ITGA1: variants seen among roughly 807,000 people sequenced by gnomAD.
The protein encoded by ITGA1 is integrin subunit alpha 1.
ITGA1 carries 85 observed loss-of-function variants against 145.9 expected under a neutral mutation model. The ratio of observed to expected loss-of-function variants is 0.58; its 90% CI spans 0.49 to 0.70. The LOEUF is 0.70. Ranked by LOEUF, ITGA1 falls within the 30% of genes least tolerant of loss-of-function variation. ITGA1 has a pLI of 0.00. For synonymous variants in ITGA1, 520 were observed against 495.3 expected (o/e 1.05, Z -0.66); for missense variants, 1,351 against 1,418.7 (o/e 0.95, Z 0.77).
At chr5:52,880,994 C>T (rs1749947688) in intron 6 of ITGA1, among the ~76,000 whole-genome samples, 1 of 152,118 alleles carries the variant, frequency 6.6e-6, no homozygotes, top group South Asian at 2.1e-4. Flanking sequence ...AATCTGGGGG[C>T]ACTTTCCCTC....
intron 14 of ITGA1, among the ~76,000 whole-genome samples, chr5:52,911,509 T>C (rs1204816281): frequency 1.6e-5 from 2 of 125,974 alleles, no homozygotes; most frequent in South Asian, 2.4e-4. Context: ...GTAGATACAC[T>C]ATATATAGTA....
At chr5:52,797,457 A>G (rs1469908220) in intron 1 of ITGA1, among the ~76,000 whole-genome samples, 1 of 151,914 alleles carries the variant, frequency 6.6e-6, no homozygotes, top group Non-Finnish European at 1.5e-5. Flanking sequence ...CCTAGGCTGG[A>G]CAGAAGGAAA....
chr5:52,908,340 A>G (rs1301812881), intron 12 of ITGA1, among the ~76,000 whole-genome samples: 1 of 152,206 alleles, frequency 6.6e-6, no homozygotes, highest in Non-Finnish European at 1.5e-5. Context: ...TCTTTAAATG[A>G]GAAAACATAT....
rs141849597 is a variant in ITGA1, at chr5:52,955,002, T to C, written c.*2551T>C. ...ATATTTAAGACTATTTATAAACTTA[T>C]TGGCCAAATTGCCAAAAAGTTTCTT... On this transcript the variant is annotated 3_prime_UTR_variant, in exon 29 of 29. Coordinates refer to ENST00000282588, the MANE Select transcript of ITGA1 (RefSeq NM_181501.2). The C allele has an allele frequency of 8.1e-4, 123 of 152,338 alleles. No homozygotes were observed. Among genetic ancestry groups the C allele is most frequent in the African/African-American group, 2.8e-3 (116 of 41,582 alleles). 9.4% of individuals were successfully genotyped at this position (152,338 alleles called of 1,614,324 possible).
In ITGA1 at chr5:52,911,635, T is replaced by TAC. The variant is rs537092186; in HGVS notation, c.1857+1217_1857+1218insCA. On this transcript the variant is annotated intron_variant, in intron 14 of 28. Coordinates refer to ENST00000282588, the MANE Select transcript of ITGA1 (RefSeq NM_181501.2). ...TATAGTGTATCTACTATATATACTA[T>TAC]ATATAGTGTATCTACTATATATACT... 1.9e-3 allele frequency among the ~76,000 whole-genome samples: 73 copies of TAC among 39,360 alleles called. 2 individuals are homozygous for TAC. The highest frequency in any genetic ancestry group is 2.8e-3 in the Non-Finnish European group (48 of 16,904). The allele number at this position is 39,360 out of a possible 152,430, so 25.8% of individuals were successfully genotyped here.
intron 1 of ITGA1, chr5:52,801,924 C>A: frequency 9.7e-7 from 1 of 1,033,030 alleles, no homozygotes; most frequent in Non-Finnish European, 1.4e-6. Flanking sequence ...CAGAAAGCTG[C>A]AAGAATGGCA....
intron 6 of ITGA1, among the ~76,000 whole-genome samples, chr5:52,880,268 AT>A (rs5867843): frequency 0.37 from 56,655 of 151,994 alleles, 11,129 homozygotes; most frequent in South Asian, 0.45. Context: ...CTTATGAAAC[AT>A]TATCATGTTT....
intron 8 of ITGA1, among the ~76,000 whole-genome samples, chr5:52,890,581 T>C (rs1750130402): frequency 6.6e-6 from 1 of 152,200 alleles, no homozygotes; most frequent in Non-Finnish European, 1.5e-5. Context: ...TTTTTTAAAA[T>C]GTATCTTTAA....
At chr5:52,848,420 G>A (rs1056756667) in intron 1 of ITGA1, among the ~76,000 whole-genome samples, 7 of 152,136 alleles carry the variant, frequency 4.6e-5, no homozygotes, top group Non-Finnish European at 8.8e-5. Flanking sequence ...AACTGTATTA[G>A]TCATATATGA....
chr5:52,878,761 G>C (rs75697417), intron 6 of ITGA1, among the ~76,000 whole-genome samples: 31 of 152,276 alleles, frequency 2.0e-4, no homozygotes, highest in African/African-American at 7.0e-4. Flanking sequence ...CCTTTAAAAG[G>C]AGACCAGGTT....
At chr5:52,820,659 C>A (rs997495164) in intron 1 of ITGA1, among the ~76,000 whole-genome samples, 25 of 152,056 alleles carry the variant, frequency 1.6e-4, no homozygotes, top group Non-Finnish European at 3.1e-4. Flanking sequence ...CTGCTAGGGA[C>A]TCTGGGACAT....
intron 24 of ITGA1, among the ~76,000 whole-genome samples, chr5:52,938,299 C>A (rs888454517): frequency 2.6e-5 from 4 of 151,984 alleles, no homozygotes; most frequent in African/African-American, 9.7e-5. Context: ...CAATATTGCA[C>A]CCCCTTTATA....
At chr5:52,891,555 T>TAAAAAAAAAAAAAA (rs56185635) in intron 8 of ITGA1, among the ~76,000 whole-genome samples, 2 of 118,880 alleles carry the variant, frequency 1.7e-5, no homozygotes, top group African/African-American at 3.4e-5. Context: ...TCATGAACAC[T>TAAAAAAAAAAAAAA]AAAAAAAAAA....
At chr5:52,903,132 C>G (rs1024636407) in intron 11 of ITGA1, 2 of 151,996 alleles carry the variant, frequency 1.3e-5, no homozygotes, top group African/African-American at 4.8e-5. Context: ...AATCTCACAA[C>G]TCCTAGCCTC....
At chr5:52,799,212 GGCA>G (rs1748404456) in intron 1 of ITGA1, among the ~76,000 whole-genome samples, 1 of 152,180 alleles carries the variant, frequency 6.6e-6, no homozygotes, top group Admixed American at 6.5e-5. Flanking sequence ...CTCTTAAAGA[GGCA>G]ATCCCACTTC....
In ITGA1 at chr5:52,824,229, TTC is replaced by T. The variant is rs1283342868; in HGVS notation, c.62-25134_62-25133del. The T allele has an allele frequency of 2.0e-5, 3 of 152,050 alleles. No individual in the cohort carries two copies. In the East Asian group the frequency reaches 5.8e-4, roughly 29 times the overall value. 9.4% of individuals were successfully genotyped at this position (152,050 alleles called of 1,614,324 possible). The stretch of plus-strand genomic sequence containing the variant: ...TCCACATTTTAATATCTATCCTTAC[TTC>T]TGTTTCCTTTTGTCTCCCATTAATG... On this transcript the variant is annotated intron_variant, in intron 1 of 28. Coordinates refer to ENST00000282588, the MANE Select transcript of ITGA1 (RefSeq NM_181501.2).
chr5:52,832,779 G>GTGTGTGTCTGTC (rs200257290), intron 1 of ITGA1, among the ~76,000 whole-genome samples: 2 of 132,196 alleles, frequency 1.5e-5, no homozygotes, highest in Non-Finnish European at 3.1e-5. Flanking sequence ...GTGTGTGTGT[G>GTGTGTGTCTGTC]TGTGTGTGTG....
chr5:52,831,739 T>G (rs945796534), intron 1 of ITGA1, among the ~76,000 whole-genome samples: 2 of 132,024 alleles, frequency 1.5e-5, no homozygotes. Flanking sequence ...TTTAATCCCT[T>G]AAAGACCTTC....
At position 52,929,627 on chromosome 5, in the gene ITGA1, A is replaced by G. The variant is rs766247878; in HGVS notation, c.2697A>G (p.Val899=). 3 of 1,488,058 alleles carry G rather than the reference A, an allele frequency of 2.0e-6. No individual in the cohort carries two copies. The highest frequency in any genetic ancestry group is 4.5e-5 in the East Asian group (2 of 44,098). 92.2% of individuals were successfully genotyped at this position (1,488,058 alleles called of 1,614,324 possible). A position where few individuals can be genotyped will look rare whatever the true frequency, so the allele number is the denominator to read the frequency against. Residue 899 remains valine, a splice_region_variant and synonymous_variant, in exon 21 of 29, where the codon GTA becomes GTG. Coordinates refer to ENST00000282588, the MANE Select transcript of ITGA1 (RefSeq NM_181501.2). ...GYPFLRRGEM[V]TFKILFQFNT... is the part of the protein sequence containing the mutation. ...AAAGACATATTTTTATTTTATAGGT[A>G]ACTTTCAAAATATTGTTTCAGTTTA...
Sources: gnomAD v4.1 joint callset for allele counts (sites outside exome capture counted in the v4.1 genomes callset) on GRCh38, gnomAD v4.1.1 for gene constraint, MANE v1.5 for transcripts, NCBI Gene and HGNC (gene_info 2026-07-23, HGNC 2026-07-21) for gene names.